The following MALRD1 variants were observed in gnomAD, a reference collection of about 807,000 sequenced individuals.
The protein encoded by MALRD1 is MAM and LDL-receptor class A domain-containing protein 1.
MALRD1 carries 247 observed loss-of-function variants against 242.1 expected under a neutral mutation model. The ratio of observed to expected loss-of-function variants is 1.02; its 90% CI spans 0.92 to 1.13. MALRD1 has a LOEUF of 1.13. Among genes scored for constraint, MALRD1 ranks in the 50% most tolerant of loss-of-function variants. The pLI is 0.00. For missense variants in MALRD1, 2,989 were observed against 2,533.1 expected (o/e 1.18, Z -3.86); for synonymous variants, 995 against 866.6 (o/e 1.15, Z -2.60).
intron 33 of MALRD1, among the ~76,000 whole-genome samples, chr10:19,569,997 A>G (rs1836445538): frequency 6.6e-6 from 1 of 151,890 alleles, no homozygotes; most frequent in South Asian, 2.1e-4. Flanking sequence ...CTAACAATGA[A>G]AACTGATTGT....
intron 28 of MALRD1, among the ~76,000 whole-genome samples, chr10:19,422,924 C>G (rs951084785): frequency 6.6e-6 from 1 of 152,152 alleles, no homozygotes; most frequent in Non-Finnish European, 1.5e-5. Context: ...CAGGGCAATC[C>G]CATCAGTAAG....
intron 14 of MALRD1, among the ~76,000 whole-genome samples, chr10:19,200,706 T>G (rs914487378): frequency 3.6e-5 from 5 of 138,098 alleles, no homozygotes; most frequent in African/African-American, 1.3e-4. Context: ...TTTATCTCAA[T>G]GAAGAGCTCA....
In MALRD1 at chr10:19,108,387, C is replaced by CTTTTTTTTTTTTTTTTTTTTTTTTTTTT. The variant is rs35948766; in HGVS notation, c.694+4323_694+4350dup. On this transcript the variant is annotated intron_variant, in intron 5 of 39. Transcript: ENST00000454679. Reference sequence around the variant, plus strand: ...TTATTGAGCTCATGAATTGTTTTTTCTTTTTTTTTTTTTTTTTTTTTTTTT... The same window carrying CTTTTTTTTTTTTTTTTTTTTTTTTTTTT: ...TTATTGAGCTCATGAATTGTTTTTTCTTTTTTTTTTTTTTTTTTTTTTTTTTTTTTTTTTTTTTTTTTTTTTTTTTTTT... Among the ~76,000 whole-genome samples, 22 of 19,764 alleles carry CTTTTTTTTTTTTTTTTTTTTTTTTTTTT rather than the reference C, an allele frequency of 1.1e-3. 11 individuals are homozygous for CTTTTTTTTTTTTTTTTTTTTTTTTTTTT. Among genetic ancestry groups the CTTTTTTTTTTTTTTTTTTTTTTTTTTTT allele is most frequent in the Non-Finnish European group, 1.8e-3 (22 of 12,506 alleles). The allele number at this position is 19,764 out of a possible 152,430, so 13.0% of individuals were successfully genotyped here. A position where few individuals can be genotyped will look rare whatever the true frequency, so the allele number is the denominator to read the frequency against.
At chr10:19,529,039 C>T (rs1834220770) in intron 31 of MALRD1, among the ~76,000 whole-genome samples, 1 of 152,188 alleles carries the variant, frequency 6.6e-6, no homozygotes, top group African/African-American at 2.4e-5. Context: ...GGACCCAGCC[C>T]TTGGCAGCCC....
intron 28 of MALRD1, among the ~76,000 whole-genome samples, chr10:19,402,282 A>G (rs1039027816): frequency 6.6e-6 from 1 of 152,148 alleles, no homozygotes; most frequent in Non-Finnish European, 1.5e-5. Context: ...AGACCCCATG[A>G]TATGGTTTGG....
chr10:19,096,006 C>G (rs987025410), intron 4 of MALRD1, among the ~76,000 whole-genome samples: 1 of 152,098 alleles, frequency 6.6e-6, no homozygotes, highest in Admixed American at 6.6e-5. Flanking sequence ...ACATCTTTTT[C>G]AACTTTGAAA....
At chr10:19,347,368 G>T (rs1023127369) in intron 24 of MALRD1, among the ~76,000 whole-genome samples, 3 of 152,074 alleles carry the variant, frequency 2.0e-5, no homozygotes, top group Non-Finnish European at 4.4e-5. Context: ...TATGATAAAT[G>T]ATAACTTTTG....
intron 24 of MALRD1, among the ~76,000 whole-genome samples, chr10:19,339,559 A>T (rs1025382446): frequency 6.6e-6 from 1 of 152,176 alleles, no homozygotes; most frequent in African/African-American, 2.4e-5. Flanking sequence ...ATTGCTTGCC[A>T]TCCTGGCCAT....
At chr10:19,549,335 T>TG (rs1400813938) in intron 32 of MALRD1, among the ~76,000 whole-genome samples, 1 of 152,208 alleles carries the variant, frequency 6.6e-6, no homozygotes. Flanking sequence ...AGTTCTACTG[T>TG]GGGTAAAACG....
rs1042605773 is a variant in MALRD1, at chr10:19,189,703, GA to G, written c.1952-14018del. Among the ~76,000 whole-genome samples, 15 of 151,672 alleles carry G rather than the reference GA, an allele frequency of 9.9e-5. No homozygotes were observed. In the East Asian group the frequency reaches 2.3e-3, roughly 24 times the overall value. The stretch of plus-strand genomic sequence containing the variant: ...CACCACATTAACAGAACGAAGGAAA[GA>G]AAAAAACACGTGATCACCTCAATTG... On this transcript the variant is annotated intron_variant, in intron 14 of 39. Transcript: ENST00000454679.
At chr10:19,234,159 A>G (rs1838200396) in intron 18 of MALRD1, among the ~76,000 whole-genome samples, 1 of 152,002 alleles carries the variant, frequency 6.6e-6, no homozygotes, top group African/African-American at 2.4e-5. Flanking sequence ...TGATCTTCTG[A>G]TGACCTGATT....
At chr10:19,588,799 T>G (rs769819574) in intron 33 of MALRD1, among the ~76,000 whole-genome samples, 1 of 152,160 alleles carries the variant, frequency 6.6e-6, no homozygotes, top group Non-Finnish European at 1.5e-5. Context: ...CCCACTACCA[T>G]GCCTGTCTAA....
chr10:19,380,362 C>T (rs1160441665), intron 26 of MALRD1, among the ~76,000 whole-genome samples: 4 of 151,308 alleles, frequency 2.6e-5, no homozygotes, highest in Admixed American at 1.3e-4. Flanking sequence ...CCATGAGTTC[C>T]GCTTATTCTC....
intron 31 of MALRD1, among the ~76,000 whole-genome samples, chr10:19,504,263 G>A (rs1236080730): frequency 6.6e-6 from 1 of 152,082 alleles, no homozygotes; most frequent in Non-Finnish European, 1.5e-5. Context: ...TGGAAACCCT[G>A]GCGTATGGAT....
intron 21 of MALRD1, among the ~76,000 whole-genome samples, chr10:19,317,564 T>G (rs1376038022): frequency 6.6e-6 from 1 of 152,042 alleles, no homozygotes; most frequent in Non-Finnish European, 1.5e-5. Context: ...GTTAGCACAG[T>G]GAATCAAAGG....
At chr10:19,148,787 AAATAT>A (rs1190372921) in intron 11 of MALRD1, among the ~76,000 whole-genome samples, 6 of 85,010 alleles carry the variant, frequency 7.1e-5, no homozygotes, top group Non-Finnish European at 1.1e-4. Flanking sequence ...AAAAAAAAAA[AAATAT>A]ATATATATAT....
intron 14 of MALRD1, among the ~76,000 whole-genome samples, chr10:19,191,732 T>A (rs2131586133): frequency 6.6e-6 from 1 of 152,264 alleles, no homozygotes; most frequent in Admixed American, 6.5e-5. Flanking sequence ...GTGCGGTTAC[T>A]CACACCTGTA....
At position 19,268,244 on chromosome 10, in the gene MALRD1, A is replaced by G. The variant is rs1240013611; in HGVS notation, c.3079+10473A>G. On this transcript the variant is annotated intron_variant, in intron 19 of 39. Transcript: ENST00000454679. ...AAAAATTGCTGATTGGCTACCAGAG[A>G]CAGAAAAAAAAAAGCACTGCATAGT... Among the ~76,000 whole-genome samples the G allele has an allele frequency of 2.6e-5, 4 of 151,352 alleles. No homozygotes were observed. The South Asian group carries it at 8.3e-4, about 32-fold the overall frequency.
At chr10:19,177,595 C>T (rs1415939300) in intron 14 of MALRD1, among the ~76,000 whole-genome samples, 7 of 152,044 alleles carry the variant, frequency 4.6e-5, no homozygotes, top group African/African-American at 1.7e-4. Context: ...GACACAGGAG[C>T]CTTCAGAAAT....
Sources: gnomAD v4.1 joint callset for allele counts (sites outside exome capture counted in the v4.1 genomes callset) on GRCh38, gnomAD v4.1.1 for gene constraint, MANE v1.5 for transcripts, NCBI Gene and HGNC (gene_info 2026-07-23, HGNC 2026-07-21) for gene names.